KCNAB1: variants seen among roughly 807,000 people sequenced by gnomAD.
KCNAB1 encodes potassium voltage-gated channel subfamily A regulatory beta subunit 1.
A neutral mutation model predicts 64.6 loss-of-function variants in KCNAB1; 35 were observed. The observed-to-expected ratio is 0.54, with a 90% CI of 0.41 to 0.72. KCNAB1 has a LOEUF of 0.72. Ranked by LOEUF, KCNAB1 falls within the 30% of genes least tolerant of loss-of-function variation. The pLI is 0.00. For missense variants in KCNAB1, 401 were observed against 512.9 expected (o/e 0.78, Z 2.11); for synonymous variants, 177 against 183.8 (o/e 0.96, Z 0.30).
intron 1 of KCNAB1, among the ~76,000 whole-genome samples, chr3:156,167,522 A>G (rs976869253): frequency 5.9e-5 from 9 of 152,202 alleles, no homozygotes; most frequent in Non-Finnish European, 1.3e-4. Context: ...AGATGACCTA[A>G]AACAAACCCC....
intron 1 of KCNAB1, among the ~76,000 whole-genome samples, chr3:156,403,725 T>C (rs975515523): frequency 6.6e-6 from 1 of 152,034 alleles, no homozygotes; most frequent in African/African-American, 2.4e-5. Flanking sequence ...AAACCCGGTC[T>C]TTACTAAAAA....
At chr3:156,431,104 T>C (rs1427193572) in intron 2 of KCNAB1, among the ~76,000 whole-genome samples, 1 of 151,986 alleles carries the variant, frequency 6.6e-6, no homozygotes, top group Non-Finnish European at 1.5e-5. Context: ...GGCATTTTGG[T>C]TTTTGTGTGG....
chr3:156,361,025 C>T (rs1257237370), intron 1 of KCNAB1, among the ~76,000 whole-genome samples: 1 of 152,142 alleles, frequency 6.6e-6, no homozygotes, highest in Non-Finnish European at 1.5e-5. Flanking sequence ...CACATCACTG[C>T]TCTGTGTAAA....
intron 1 of KCNAB1, among the ~76,000 whole-genome samples, chr3:156,261,713 T>C (rs376805008): frequency 1.3e-5 from 2 of 152,086 alleles, no homozygotes; most frequent in African/African-American, 4.8e-5. Flanking sequence ...TTTTGGCTAT[T>C]TAAGTTCCTT....
intron 1 of KCNAB1, among the ~76,000 whole-genome samples, chr3:156,411,668 G>GT (rs1171075270): frequency 2.0e-5 from 3 of 152,084 alleles, no homozygotes; most frequent in African/African-American, 7.2e-5. Context: ...TTAGTTAACT[G>GT]TACTTGTGTG....
At chr3:156,237,590 T>G (rs770565342) in intron 1 of KCNAB1, among the ~76,000 whole-genome samples, 1 of 152,200 alleles carries the variant, frequency 6.6e-6, no homozygotes, top group Non-Finnish European at 1.5e-5. Context: ...TGGAAGTTTT[T>G]TGCATCTAGC....
At chr3:156,119,683 C>T (rs545351087), upstream of KCNAB1, among the ~76,000 whole-genome samples, 8 of 152,170 alleles carry the variant, frequency 5.3e-5, no homozygotes, top group East Asian at 1.5e-3. Context: ...TGTGATAGAC[C>T]CCTAGGTGGA....
At chr3:156,359,877 T>C (rs544293871) in intron 1 of KCNAB1, among the ~76,000 whole-genome samples, 1 of 152,318 alleles carries the variant, frequency 6.6e-6, no homozygotes, top group East Asian at 1.9e-4. Context: ...AATGGTGGTA[T>C]GGTAGAAAAA....
chr3:156,255,044 G>C lies in KCNAB1; in HGVS notation c.275+134158G>C, dbSNP rs191138575. On this transcript the variant is annotated intron_variant, in intron 1 of 13. Transcript: ENST00000490337. ...GCCGAGTTGACTATGTGGGTGACAC[G>C]TGGGCTCCCTCTCTCCACTCTCACT... Among the ~76,000 whole-genome samples the C allele has an allele frequency of 1.4e-4, 22 of 152,256 alleles. No homozygotes were observed. In the East Asian group the frequency reaches 3.5e-3, roughly 24 times the overall value.
intron 1 of KCNAB1, chr3:156,175,880 C>A: frequency 1.3e-6 from 1 of 745,482 alleles, no homozygotes; most frequent in South Asian, 1.4e-5. Context: ...AGTCTCTTGT[C>A]ACTCGATGCT....
At chr3:156,212,001 G>A (rs939323615) in intron 1 of KCNAB1, among the ~76,000 whole-genome samples, 19 of 152,180 alleles carry the variant, frequency 1.2e-4, no homozygotes, top group African/African-American at 4.6e-4. Context: ...AGAGAGTTTT[G>A]TCCTCCAGAT....
intron 4 of KCNAB1, among the ~76,000 whole-genome samples, chr3:156,458,533 C>A (rs1418695296): frequency 1.3e-5 from 2 of 152,162 alleles, no homozygotes; most frequent in South Asian, 4.1e-4. Flanking sequence ...AGTGGATGGT[C>A]CCAGTGCATT....
At chr3:156,284,909 G>A (rs563260592) in intron 1 of KCNAB1, among the ~76,000 whole-genome samples, 13 of 152,294 alleles carry the variant, frequency 8.5e-5, no homozygotes, top group African/African-American at 2.6e-4. Context: ...AGATGGAAAT[G>A]CAGAAATCAC....
intron 1 of KCNAB1, among the ~76,000 whole-genome samples, chr3:156,220,040 CATGA>C (rs1283803014): frequency 6.6e-6 from 1 of 152,096 alleles, no homozygotes; most frequent in Non-Finnish European, 1.5e-5. Flanking sequence ...CTGCAAAGGA[CATGA>C]ACTCATCCTT....
At chr3:156,405,983 T>A (rs146708513) in intron 1 of KCNAB1, among the ~76,000 whole-genome samples, 1,707 of 152,310 alleles carry the variant, frequency 0.011, 27 homozygotes, top group African/African-American at 0.039. Context: ...AAGAACAGTT[T>A]TTTTGTAAGC....
intron 1 of KCNAB1, among the ~76,000 whole-genome samples, chr3:156,209,164 T>C (rs1348882357): frequency 6.6e-6 from 1 of 152,292 alleles, no homozygotes; most frequent in African/African-American, 2.4e-5. Context: ...ATGGTATTAA[T>C]GGTGCAGAGA....
intron 1 of KCNAB1, among the ~76,000 whole-genome samples, chr3:156,340,980 G>T (rs1724066578): frequency 6.6e-6 from 1 of 152,062 alleles, no homozygotes; most frequent in African/African-American, 2.4e-5. Context: ...GAGAAATATT[G>T]GTTTTATCGA....
chr3:156,220,040 C>T (rs1421491061), intron 1 of KCNAB1, among the ~76,000 whole-genome samples: 1 of 152,096 alleles, frequency 6.6e-6, no homozygotes. Context: ...CTGCAAAGGA[C>T]ATGAACTCAT....
Position 156,451,883 on chromosome 3 carries a change from C to T in KCNAB1, c.320-1016C>T, listed in dbSNP as rs115399309. Among the ~76,000 whole-genome samples, 1,464 of 152,210 alleles carry T rather than the reference C, an allele frequency of 9.6e-3. 14 individuals are homozygous for T. The highest frequency in any genetic ancestry group is 0.034 in the African/African-American group (1,401 of 41,530). The stretch of plus-strand genomic sequence containing the variant: ...CCTGTGAGACTCGACCTAGCTGTCA[C>T]CTCTTCTAGGAAGTCTTCCTAGAAT... On this transcript the variant is annotated intron_variant, in intron 2 of 13. Transcript: ENST00000490337.
Sources: allele counts gnomAD v4.1 joint callset (sites outside exome capture counted in the v4.1 genomes callset), GRCh38; gene constraint gnomAD v4.1.1; transcripts MANE v1.5; gene names NCBI Gene and HGNC (gene_info 2026-07-23, HGNC 2026-07-21).